Variants in XKR7 observed in about 807,000 individuals in gnomAD.
XKR7 encodes the protein XK-related protein 7.
In XKR7, 11 loss-of-function variants were observed where a neutral mutation model predicts 42.2. The observed-to-expected ratio is 0.26, with a 90% confidence interval of 0.16 to 0.43. The LOEUF is 0.43. Ranked by LOEUF, XKR7 falls within the 20% of genes least tolerant of loss-of-function variation. The probability of loss-of-function intolerance (pLI) is 1.00; values close to 1 mark genes in which losing one functional copy is unlikely to be tolerated. For synonymous variants in XKR7, 346 were observed against 366.4 expected (o/e 0.94, Z 0.64); for missense variants, 710 against 802.2 (o/e 0.89, Z 1.39).
At chr20:31,994,041 G>A (rs7270817) in intron 1 of XKR7, among the ~76,000 whole-genome samples, 1,914 of 152,300 alleles carry the variant, frequency 0.013, 44 homozygotes, top group African/African-American at 0.044. Flanking sequence ...TTTGTTGGGA[G>A]AAGTGGCATG....
chr20:31,990,179 CGTGTGTGT>C (rs56235886), intron 1 of XKR7, among the ~76,000 whole-genome samples: 38 of 144,244 alleles, frequency 2.6e-4, no homozygotes, highest in African/African-American at 9.3e-4. Context: ...AAATTCATTG[CGTGTGTGT>C]GTGTGTGTGT....
At chr20:31,977,667 C>T (rs966682987) in intron 1 of XKR7, among the ~76,000 whole-genome samples, 11 of 152,270 alleles carry the variant, frequency 7.2e-5, no homozygotes, top group Non-Finnish European at 1.2e-4. Flanking sequence ...AGGACAGGGG[C>T]ATAAGGGGTC....
At position 32,002,860 on chromosome 20, in the gene XKR7, C is replaced by A. The variant is rs2064631611; in HGVS notation, c.*5403C>A. 6.6e-6 allele frequency: 1 copy of A among 152,178 alleles called. No individual in the cohort carries two copies. Among genetic ancestry groups the A allele is most frequent in the Admixed American group, 6.5e-5 (1 of 15,268 alleles). The allele number at this position is 152,178 out of a possible 1,614,324, so 9.4% of individuals were successfully genotyped here. ...TTCACAGGCCCTCAGGGTCTGGGAC[C>A]CCACGTTGGGAATCAATGGTTTAGA... is the stretch of plus-strand genomic sequence containing the variant. On this transcript the variant is annotated 3_prime_UTR_variant, in exon 3 of 3. Coordinates refer to ENST00000562532, the MANE Select transcript of XKR7 (RefSeq NM_001011718.2).
At chr20:31,989,343 A>G (rs2064558620) in intron 1 of XKR7, among the ~76,000 whole-genome samples, 1 of 152,088 alleles carries the variant, frequency 6.6e-6, no homozygotes, top group South Asian at 2.1e-4. Flanking sequence ...GGTGAGAGAA[A>G]CAGGCAGGGC....
In XKR7 at chr20:31,997,161, G is replaced by T. The variant is rs142787327; in HGVS notation, c.1444G>T (p.Ala482Ser). ...PPRSLPRTTG[A>S]ERDGASAGER... ...CAGGTCCCTGCCAAGGACTACAGGT[G>T]CTGAGCGGGATGGGGCCTCGGCGGG... The change falls in exon 3 of 3, where the codon GCT (alanine) becomes TCT (serine). Residue 482 changes from alanine to serine, a missense_variant. By Grantham distance (99) the Ala-to-Ser change is moderately conservative. Around this residue, in one of 2 missense-constraint regions of XKR7, gnomAD observed 708 missense variants for 786.2 expected, o/e 0.90. Coordinates refer to ENST00000562532, the MANE Select transcript of XKR7 (RefSeq NM_001011718.2). 26 of 1,611,092 alleles carry T rather than the reference G, an allele frequency of 1.6e-5. No individual in the cohort carries two copies. The highest frequency in any genetic ancestry group is 2.0e-5 in the Non-Finnish European group (24 of 1,180,022).
rs2064625172 is a variant in XKR7 at position 32,001,564 on chromosome 20, C to T, written c.*4107C>T. On this transcript the variant is annotated 3_prime_UTR_variant, in exon 3 of 3. Transcript: ENST00000562532. ...GCTATCTGAGAACTGAGCCCACTGCCCTCTCAGCTGAAAAGGGAAATCTGG... is the reference window on the plus strand; with the variant it reads ...GCTATCTGAGAACTGAGCCCACTGCTCTCTCAGCTGAAAAGGGAAATCTGG... The T allele has an allele frequency of 6.6e-6, 1 of 152,230 alleles. No homozygotes were observed. Among genetic ancestry groups the T allele is most frequent in the Non-Finnish European group, 1.5e-5 (1 of 68,072 alleles). The allele number at this position is 152,230 out of a possible 1,614,324, so 9.4% of individuals were successfully genotyped here.
intron 1 of XKR7, among the ~76,000 whole-genome samples, chr20:31,980,986 G>T (rs2064509502): frequency 1.3e-5 from 2 of 151,186 alleles, no homozygotes; most frequent in African/African-American, 4.9e-5. Flanking sequence ...GATTGCTTGA[G>T]CCCAGGAGGT....
At chr20:31,976,314 G>A (rs2064484482) in intron 1 of XKR7, among the ~76,000 whole-genome samples, 2 of 152,316 alleles carry the variant, frequency 1.3e-5, no homozygotes, top group South Asian at 4.1e-4. Flanking sequence ...CTAGTTAAGT[G>A]TATTCTTACA....
Position 31,968,800 on chromosome 20 carries a change from G to C in XKR7, c.584+41G>C, listed in dbSNP as rs751328498. The C allele has an allele frequency of 6.9e-6, 10 of 1,453,630 alleles. No individual in the cohort carries two copies. The highest frequency in any genetic ancestry group is 5.3e-5 in the Admixed American group (2 of 37,904). 90.0% of individuals were successfully genotyped at this position (1,453,630 alleles called of 1,614,324 possible). A position where few individuals can be genotyped will look rare whatever the true frequency, so the allele number is the denominator to read the frequency against. On this transcript the variant is annotated intron_variant, in intron 1 of 2. Transcript: ENST00000562532. This position sits in a 1 kb window ranked among gnomAD's most constrained non-coding sequence, Gnocchi z 4.5. The stretch of plus-strand genomic sequence containing the variant: ...GTGGAGGGACCTGAGCCCGAGGAGT[G>C]GGGGTGGCGAAGGGCTACCTGACGT...
intron 1 of XKR7, among the ~76,000 whole-genome samples, chr20:31,969,728 T>G (rs990111482): frequency 6.6e-6 from 1 of 152,198 alleles, no homozygotes; most frequent in African/African-American, 2.4e-5. Context: ...TCCTCTTATC[T>G]CATTGTCTTA....
chr20:31,970,381 A>T (rs965983317), intron 1 of XKR7: 1 of 152,204 alleles, frequency 6.6e-6, no homozygotes, highest in Non-Finnish European at 1.5e-5. Context: ...TTAAGCATAA[A>T]CTGAGTTTCC....
intron 1 of XKR7, among the ~76,000 whole-genome samples, chr20:31,985,110 A>C (rs1255787420): frequency 6.6e-6 from 1 of 152,180 alleles, no homozygotes. Flanking sequence ...GCAGACCTAC[A>C]GACTAACTAT....
At chr20:31,982,242 T>G (rs949694427) in intron 1 of XKR7, among the ~76,000 whole-genome samples, 3 of 152,120 alleles carry the variant, frequency 2.0e-5, no homozygotes, top group African/African-American at 7.2e-5. Context: ...CTTGGTGGAC[T>G]GGGCATGGTG....
chr20:31,971,915 T>C (rs1212582215), intron 1 of XKR7, among the ~76,000 whole-genome samples: 1 of 152,196 alleles, frequency 6.6e-6, no homozygotes, highest in Non-Finnish European at 1.5e-5. Flanking sequence ...GACCCAGTCT[T>C]GATTTCTCAA....
chr20:31,988,333 G>A (rs2064552585), intron 1 of XKR7, among the ~76,000 whole-genome samples: 1 of 152,202 alleles, frequency 6.6e-6, no homozygotes. Flanking sequence ...CCCGTGAGGA[G>A]GGTAGGATGG....
intron 1 of XKR7, among the ~76,000 whole-genome samples, chr20:31,994,648 G>A (rs1312351232): frequency 6.6e-6 from 1 of 152,138 alleles, no homozygotes; most frequent in African/African-American, 2.4e-5. Context: ...TGAAGTTGCT[G>A]TGAGCTAAGA....
At chr20:31,994,967 G>C in intron 1 of XKR7, 101 bp from the exon 2 acceptor site, 1 of 1,500,334 alleles carries the variant, frequency 6.7e-7, no homozygotes, top group African/African-American at 1.4e-5. Flanking sequence ...GCTCAGCGTA[G>C]GGAGTGACTT....
chr20:31,977,544 T>C (rs540245083), intron 1 of XKR7, among the ~76,000 whole-genome samples: 8 of 152,308 alleles, frequency 5.3e-5, no homozygotes, highest in African/African-American at 1.9e-4. Context: ...TGAGATAATG[T>C]AAATGCACAG....
At chr20:31,993,936 G>A (rs2064580347) in intron 1 of XKR7, among the ~76,000 whole-genome samples, 1 of 152,234 alleles carries the variant, frequency 6.6e-6, no homozygotes, top group South Asian at 2.1e-4. Flanking sequence ...GTGTTTTAGG[G>A]AGAGGAAACA....
Sources: gnomAD v4.1 joint callset for allele counts (sites outside exome capture counted in the v4.1 genomes callset) on GRCh38, gnomAD v4.1.1 for gene constraint, gnomAD v4.1.1 regional missense constraint, Gnocchi (gnomAD v3.1) non-coding constraint, MANE v1.5 for transcripts, NCBI Gene and HGNC (gene_info 2026-07-23, HGNC 2026-07-21) for gene names.